ZSCAN10: variants seen among roughly 807,000 people sequenced by gnomAD.
ZSCAN10 encodes zinc finger and SCAN domain-containing protein 10.
ZSCAN10 carries 52 observed loss-of-function variants against 63.7 expected under a neutral mutation model. The ratio of observed to expected loss-of-function variants is 0.82; its 90% CI spans 0.65 to 1.03. The LOEUF is 1.03. ZSCAN10 is among the 50% of genes least tolerant of loss of function. The pLI, the probability that ZSCAN10 is intolerant of heterozygous loss-of-function variation, is 0.00. For synonymous variants in ZSCAN10, 544 were observed against 479.6 expected (o/e 1.13, Z -1.76); for missense variants, 1,223 against 1,103.8 (o/e 1.11, Z -1.53).
At position 3,090,057 on chromosome 16, in the gene ZSCAN10, C is replaced by T. The variant is rs776897918; in HGVS notation, c.1377G>A (p.Lys459=). The change falls in exon 6 of 6, where the codon AAG becomes AAA. Residue 459 remains lysine, a synonymous_variant. Transcript: ENST00000576985. ...QHLLAHAQDQ[K]PPCAPESKAE... is the part of the protein sequence containing the mutation. Reference sequence around the variant, plus strand: ...CCTTACTCTCAGGAGCGCAGGGCGGCTTCTGGTCCTGGGCGTGCGCCAGCA... The same window carrying T: ...CCTTACTCTCAGGAGCGCAGGGCGGTTTCTGGTCCTGGGCGTGCGCCAGCA... 1 of 1,604,082 alleles carries T rather than the reference C, an allele frequency of 6.2e-7. No homozygotes were observed. Among genetic ancestry groups the T allele is most frequent in the South Asian group, 1.1e-5 (1 of 90,828 alleles).
chr16:3,090,508 C>G lies in ZSCAN10; in HGVS notation c.926G>C (p.Gly309Ala), dbSNP rs1410854914. The change falls in exon 6 of 6, where the codon GGA becomes GCA. Residue 309 changes from glycine to alanine, a missense_variant. Coordinates refer to ENST00000576985, the MANE Select transcript of ZSCAN10 (RefSeq NM_032805.3). ...VPGEPCAQSL[G>A]RGAAASGPGE... ...AGGGCCGCTAGCCGCAGCGCCCCGTCCGAGCGACTGGGCGCAAGGCTCTCC... is the reference window on the plus strand; with the variant it reads ...AGGGCCGCTAGCCGCAGCGCCCCGTGCGAGCGACTGGGCGCAAGGCTCTCC... 6 of 1,613,280 alleles carry G rather than the reference C, an allele frequency of 3.7e-6. No individual in the cohort carries two copies. The highest frequency in any genetic ancestry group is 5.1e-6 in the Non-Finnish European group (6 of 1,179,726).
intron 1 of ZSCAN10, among the ~76,000 whole-genome samples, chr16:3,094,000 T>A (rs1167525019): frequency 1.3e-5 from 2 of 152,128 alleles, no homozygotes; most frequent in African/African-American, 2.4e-5. Context: ...TTTAAATTTT[T>A]AATTTAATTA....
chr16:3,091,090 A>C lies in ZSCAN10; in HGVS notation c.788-444T>G, dbSNP rs567420280. Among the ~76,000 whole-genome samples, 4 of 150,450 alleles carry C rather than the reference A, an allele frequency of 2.7e-5. 1 individual carries two copies. Among genetic ancestry groups the C allele is most frequent in the South Asian group, 4.2e-4 (2 of 4,812 alleles). ...GTCTGAAAACAAACAAACAAACAAA[A>C]AAACCTGGTAGGTTGGTAGAGAGGG... On this transcript the variant is annotated intron_variant, in intron 5 of 5. Transcript: ENST00000576985.
chr16:3,091,916 C>A, intron 3 of ZSCAN10, 88 bp from the exon 4 acceptor site: 5 of 1,596,326 alleles, frequency 3.1e-6, no homozygotes, highest in Non-Finnish European at 4.3e-6. Flanking sequence ...CCGCATCATC[C>A]GGGCCCTGTG....
intron 1 of ZSCAN10, among the ~76,000 whole-genome samples, chr16:3,095,128 C>G (rs547385399): frequency 6.6e-6 from 1 of 152,214 alleles, no homozygotes; most frequent in South Asian, 2.1e-4. Context: ...CCTGTTATCC[C>G]AGCACTTTGG....
intron 1 of ZSCAN10, among the ~76,000 whole-genome samples, chr16:3,095,203 C>A (rs116033284): frequency 1.3e-5 from 2 of 151,416 alleles, no homozygotes; most frequent in Admixed American, 6.6e-5. Context: ...CAACATGGCA[C>A]GACCCCCGTC....
intron 5 of ZSCAN10, among the ~76,000 whole-genome samples, chr16:3,091,123 C>T (rs1341009296): frequency 1.3e-5 from 2 of 151,892 alleles, no homozygotes; most frequent in African/African-American, 4.8e-5. Flanking sequence ...GGGTGGAGGT[C>T]AAACAAGGGT....
chr16:3,095,291 G>A (rs1359040778), intron 1 of ZSCAN10, among the ~76,000 whole-genome samples: 1 of 152,126 alleles, frequency 6.6e-6, no homozygotes, highest in Non-Finnish European at 1.5e-5. Context: ...GCTGACGCAG[G>A]CAGATCACAA....
chr16:3,090,662 A>G lies in ZSCAN10; in HGVS notation c.788-16T>C. On this transcript the variant is annotated splice_polypyrimidine_tract_variant and intron_variant, in intron 5 of 5. Transcript: ENST00000576985. ...CTTCCGAATCCTGGGAAACAAGACA[A>G]AACAGGGACGGTCAGGCCTATTCCC... 6.6e-7 allele frequency: 1 copy of G among 1,518,428 alleles called. No individual in the cohort carries two copies. Among genetic ancestry groups the G allele is most frequent in the Non-Finnish European group, 8.8e-7 (1 of 1,136,006 alleles). 94.1% of individuals were successfully genotyped at this position (1,518,428 alleles called of 1,614,324 possible). A position where few individuals can be genotyped will look rare whatever the true frequency, so the allele number is the denominator to read the frequency against.
intron 1 of ZSCAN10, 99 bp from the exon 2 acceptor site, chr16:3,093,103 G>A (rs1957108674): frequency 2.2e-6 from 2 of 928,094 alleles, no homozygotes; most frequent in Non-Finnish European, 2.8e-6. Flanking sequence ...CAGACCCAGA[G>A]GAATCGCTTT....
chr16:3,098,648 A>G (rs1338755979), intron 1 of ZSCAN10, among the ~76,000 whole-genome samples: 1 of 151,498 alleles, frequency 6.6e-6, no homozygotes, highest in Non-Finnish European at 1.5e-5. Flanking sequence ...AGCTCTGTTA[A>G]TATGCACCTC....
chr16:3,095,996 C>T (rs1483392061), intron 1 of ZSCAN10, among the ~76,000 whole-genome samples: 2 of 152,062 alleles, frequency 1.3e-5, no homozygotes, highest in African/African-American at 4.8e-5. Context: ...GCCAGCCCGT[C>T]TCAAAAAATA....
chr16:3,091,775 C>T lies in ZSCAN10; in HGVS notation c.718G>A (p.Ala240Thr). The change falls in exon 4 of 6, where the codon GCG (alanine) becomes ACG (threonine). Residue 240 changes from alanine to threonine, a missense_variant. Ala to Thr is a moderately conservative substitution (Grantham distance 58). Transcript: ENST00000576985. ...GCGGCCCAGCTCACCAGCACAGCCG[C>T]CAGCTCCTGATCTCGGGAACTCTCC... The part of the protein sequence containing the change: ...PEESSRDQEL[A>T]AVLECLTFED... The T allele has an allele frequency of 6.4e-7, 1 of 1,572,384 alleles. No individual in the cohort carries two copies. The highest frequency in any genetic ancestry group is 8.6e-7 in the Non-Finnish European group (1 of 1,158,820).
chr16:3,089,514 A>G lies in ZSCAN10; in HGVS notation c.1920T>C (p.Gly640=). 6.2e-7 allele frequency: 1 copy of G among 1,601,366 alleles called. No homozygotes were observed. Among genetic ancestry groups the G allele is most frequent in the Non-Finnish European group, 8.5e-7 (1 of 1,175,272 alleles). ...GEKPCRCSEC[G]EGFSQSAHLA... ...GGTGGGCGCTCTGGCTGAAGCCCTC[A>G]CCGCACTCGCTGCAGCGGCAGGGCT... The change falls in exon 6 of 6, where the codon GGT becomes GGC. Residue 640 remains glycine (G), a synonymous_variant. Transcript: ENST00000576985.
At chr16:3,091,684 G>A (rs1957078621) in intron 4 of ZSCAN10, 80 bp downstream of exon 4, 1 of 1,609,214 alleles carries the variant, frequency 6.2e-7, no homozygotes. Flanking sequence ...ACTGAATCAG[G>A]GAAGGTATGG....
In ZSCAN10 at chr16:3,089,921, G is replaced by A. The variant is rs1325560667; in HGVS notation, c.1513C>T (p.Arg505Trp). The change falls in exon 6 of 6, where the codon CGG becomes TGG. Residue 505 changes from arginine (R) to tryptophan (W), a missense_variant. Physicochemically the swap from Arg to Trp is moderately radical, Grantham distance 101. Transcript: ENST00000576985. ...LRIHARDKDR[R>W]SSEGSGSRRR... The stretch of plus-strand genomic sequence containing the variant: ...CGGCTGCCGGAGCCTTCGGAGGACC[G>A]GCGGTCCTTGTCCCTGGCGTGGATC... 2.0e-6 allele frequency: 3 copies of A among 1,536,748 alleles called. No homozygotes were observed. The highest frequency in any genetic ancestry group is 2.6e-6 in the Non-Finnish European group (3 of 1,145,656).
chr16:3,097,816 G>C (rs117190698), intron 1 of ZSCAN10, among the ~76,000 whole-genome samples: 3,634 of 152,194 alleles, frequency 0.024, 63 homozygotes, highest in Non-Finnish European at 0.039. Flanking sequence ...CAGTGATTCT[G>C]GCCATCTCGA....
In ZSCAN10 at chr16:3,092,238, G is replaced by A. The variant is rs768637088; in HGVS notation, c.475C>T (p.Pro159Ser). ...LEEKGCASQV[P>S]SHSPKKELPA... ...AATTCCTTCTTGGGGCTGTGGCTGGGGACCTGGGAAGCACACCCCTTTTCC... is the reference window on the plus strand; with the variant it reads ...AATTCCTTCTTGGGGCTGTGGCTGGAGACCTGGGAAGCACACCCCTTTTCC... The change falls in exon 3 of 6, where the codon CCC (proline) becomes TCC (serine). Residue 159 changes from proline to serine, a missense_variant. Coordinates refer to ENST00000576985, the MANE Select transcript of ZSCAN10 (RefSeq NM_032805.3). 1.1e-5 allele frequency: 17 copies of A among 1,612,776 alleles called. No homozygotes were observed. Among genetic ancestry groups the A allele is most frequent in the Admixed American group, 6.7e-5 (4 of 59,994 alleles).
chr16:3,095,538 T>C (rs1183668851), intron 1 of ZSCAN10, among the ~76,000 whole-genome samples: 1 of 144,180 alleles, frequency 6.9e-6, no homozygotes, highest in Non-Finnish European at 1.5e-5. Context: ...ATTAAAAATT[T>C]AGCCAGTTGC....
Sources: gnomAD v4.1 joint callset for allele counts (sites outside exome capture counted in the v4.1 genomes callset) on GRCh38, gnomAD v4.1.1 for gene constraint, MANE v1.5 for transcripts, NCBI Gene and HGNC (gene_info 2026-07-23, HGNC 2026-07-21) for gene names.